The following ITGA9 variants were observed in gnomAD, a reference collection of about 807,000 sequenced individuals.
ITGA9 encodes the protein integrin alpha-9.
A neutral mutation model predicts 127.8 loss-of-function variants in ITGA9; 56 were observed. The observed-to-expected ratio is 0.44, with a 90% CI of 0.35 to 0.55. ITGA9 has a LOEUF of 0.55. ITGA9 is among the 20% of genes least tolerant of loss of function. The pLI, the probability that ITGA9 is intolerant of heterozygous loss-of-function variation, is 0.00. For synonymous variants in ITGA9, 508 were observed against 514.5 expected, an observed-to-expected ratio of 0.99 and a Z score of 0.17; for missense variants, 1,196 against 1,347.1, an observed-to-expected ratio of 0.89 and a Z score of 1.76.
At chr3:37,755,757 A>G (rs1014408432) in intron 23 of ITGA9, among the ~76,000 whole-genome samples, 5 of 152,188 alleles carry the variant, frequency 3.3e-5, no homozygotes, top group African/African-American at 1.2e-4. Flanking sequence ...TGATCATAAT[A>G]TAAGAGTTAG....
chr3:37,734,996 C>T (rs1696341712), intron 19 of ITGA9, among the ~76,000 whole-genome samples: 1 of 152,202 alleles, frequency 6.6e-6, no homozygotes, highest in Non-Finnish European at 1.5e-5. Flanking sequence ...CGGGGCTCCC[C>T]GTATCCGCAG....
In ITGA9 at chr3:37,466,483, C is replaced by CAAAAAAAAAAAAA. The variant is rs60980366; in HGVS notation, c.186-4506_186-4494dup. 1.6e-3 allele frequency among the ~76,000 whole-genome samples: 42 copies of CAAAAAAAAAAAAA among 26,064 alleles called. 6 individuals are homozygous for CAAAAAAAAAAAAA. The highest frequency in any genetic ancestry group is 3.8e-3 in the South Asian group (1 of 266). The allele number at this position is 26,064 out of a possible 152,430, so 17.1% of individuals were successfully genotyped here. On this transcript the variant is annotated intron_variant, in intron 1 of 27. Transcript: ENST00000264741. The stretch of plus-strand genomic sequence containing the variant: ...TGGGTAACAGAGCAAGACACCATCT[C>CAAAAAAAAAAAAA]AAAAAAAAAAAAAAAAAAAAAAAAA...
At chr3:37,726,368 A>T (rs1171588731) in intron 18 of ITGA9, among the ~76,000 whole-genome samples, 1 of 152,224 alleles carries the variant, frequency 6.6e-6, no homozygotes, top group Non-Finnish European at 1.5e-5. Flanking sequence ...TGGAAGTGAG[A>T]CTTCAAACTC....
chr3:37,795,672 C>T (rs1236327522), intron 26 of ITGA9, among the ~76,000 whole-genome samples: 1 of 152,184 alleles, frequency 6.6e-6, no homozygotes, highest in Non-Finnish European at 1.5e-5. Flanking sequence ...CATCAGCCAT[C>T]CCTTCACTGG....
chr3:37,641,682 C>T (rs189290984), intron 16 of ITGA9, among the ~76,000 whole-genome samples: 108 of 152,238 alleles, frequency 7.1e-4, no homozygotes, highest in Non-Finnish European at 5.6e-4. Context: ...GAAGAAAATC[C>T]GGACACATGC....
At chr3:37,565,221 T>C (rs1477094620) in intron 15 of ITGA9, among the ~76,000 whole-genome samples, 1 of 152,218 alleles carries the variant, frequency 6.6e-6, no homozygotes, top group Non-Finnish European at 1.5e-5. Flanking sequence ...TACTTTATGC[T>C]TCTTGTGGGT....
At chr3:37,507,401 T>C (rs954310632) in intron 7 of ITGA9, among the ~76,000 whole-genome samples, 2 of 152,316 alleles carry the variant, frequency 1.3e-5, no homozygotes, top group South Asian at 4.1e-4. Flanking sequence ...ATAGCAGCTT[T>C]CTTTTCTCCC....
At chr3:37,460,216 A>G in intron 1 of ITGA9, among the ~76,000 whole-genome samples, 1 of 152,184 alleles carries the variant, frequency 6.6e-6, no homozygotes, top group East Asian at 1.9e-4. Context: ...TGGGTTTGTA[A>G]CTTTATTAAA....
At chr3:37,678,910 G>A (rs868654882) in intron 17 of ITGA9, among the ~76,000 whole-genome samples, 4 of 152,164 alleles carry the variant, frequency 2.6e-5, no homozygotes, top group African/African-American at 7.2e-5. Flanking sequence ...CAGCTGCCAA[G>A]ATGTCATCAG....
chr3:37,731,405 A>G (rs1439081497), intron 18 of ITGA9, among the ~76,000 whole-genome samples: 1 of 152,186 alleles, frequency 6.6e-6, no homozygotes, highest in African/African-American at 2.4e-5. Context: ...AACACTGGCT[A>G]AGAGCACAGA....
intron 25 of ITGA9, among the ~76,000 whole-genome samples, chr3:37,784,069 C>T (rs1336856341): frequency 2.6e-5 from 4 of 152,130 alleles, no homozygotes; most frequent in African/African-American, 9.7e-5. Flanking sequence ...GGTGGGGACA[C>T]CACAAGACAC....
chr3:37,689,178 T>C (rs1317802422), intron 18 of ITGA9, among the ~76,000 whole-genome samples: 1 of 152,254 alleles, frequency 6.6e-6, no homozygotes, highest in Non-Finnish European at 1.5e-5. Flanking sequence ...CCATTAGTTA[T>C]GTATTAGCTT....
At chr3:37,465,748 C>T (rs116028571) in intron 1 of ITGA9, among the ~76,000 whole-genome samples, 2,437 of 152,262 alleles carry the variant, frequency 0.016, 51 homozygotes, top group African/African-American at 0.045. Flanking sequence ...CCCCAGCATG[C>T]CCTTTGACAT....
At chr3:37,498,550 A>G (rs1004453041) in intron 5 of ITGA9, among the ~76,000 whole-genome samples, 5 of 152,146 alleles carry the variant, frequency 3.3e-5, no homozygotes, top group Non-Finnish European at 7.4e-5. Flanking sequence ...GACCAGAAGA[A>G]CAGAAGACCT....
chr3:37,717,786 ACTAAAGT>A (rs2125681986), intron 18 of ITGA9, among the ~76,000 whole-genome samples: 1 of 152,342 alleles, frequency 6.6e-6, no homozygotes, highest in Admixed American at 6.5e-5. Flanking sequence ...TAATTTTCCC[ACTAAAGT>A]AAGCACTGGT....
chr3:37,667,606 C>A (rs546047271), intron 17 of ITGA9, among the ~76,000 whole-genome samples: 2 of 152,210 alleles, frequency 1.3e-5, no homozygotes, highest in Non-Finnish European at 2.9e-5. Context: ...GGCGTAAGCA[C>A]AACCCATGAC....
chr3:37,560,087 G>A (rs567589061), intron 15 of ITGA9, among the ~76,000 whole-genome samples: 57 of 151,902 alleles, frequency 3.8e-4, no homozygotes, highest in African/African-American at 1.4e-3. Flanking sequence ...TTCTCCTAAT[G>A]CTATCCCTCC....
intron 4 of ITGA9, among the ~76,000 whole-genome samples, chr3:37,493,832 C>T (rs112306608): frequency 6.6e-6 from 1 of 152,202 alleles, no homozygotes; most frequent in South Asian, 2.1e-4. Flanking sequence ...TACCCCTCTT[C>T]CTTGCCAGCT....
At chr3:37,490,966 T>TCCCCC (rs10624727) in intron 4 of ITGA9, among the ~76,000 whole-genome samples, 119 of 108,666 alleles carry the variant, frequency 1.1e-3, no homozygotes, top group South Asian at 1.9e-3. Flanking sequence ...AGATTTGGCT[T>TCCCCC]CCCCCCCGCT....
Sources: allele counts gnomAD v4.1 joint callset (sites outside exome capture counted in the v4.1 genomes callset), GRCh38; gene constraint gnomAD v4.1.1; transcripts MANE v1.5; gene names NCBI Gene and HGNC (gene_info 2026-07-23, HGNC 2026-07-21).